TOX: variants seen among roughly 807,000 people sequenced by gnomAD.
TOX encodes the protein thymocyte selection associated high mobility group box.
In TOX, 11 loss-of-function variants were observed where a neutral mutation model predicts 53.7. The observed-to-expected ratio is 0.20, with a 90% confidence interval of 0.13 to 0.34. TOX has a LOEUF of 0.34. Among genes scored for constraint, TOX ranks in the 10% least tolerant of loss-of-function variants. TOX has a pLI of 1.00. For missense variants in TOX, 570 were observed against 664.6 expected, an observed-to-expected ratio of 0.86 and a Z score of 1.56; for synonymous variants, 225 against 245.3, an observed-to-expected ratio of 0.92 and a Z score of 0.77.
chr8:59,117,786 G>C lies in TOX; in HGVS notation c.102+1100C>G, dbSNP rs1000516496. On this transcript the variant is annotated intron_variant, in intron 1 of 8. Transcript: ENST00000361421. This position sits in a 1 kb window ranked among gnomAD's most constrained non-coding sequence, Gnocchi z 4.6. ...GTATCAGGCAGATTTATCACCAAGC[G>C]AGAGTTGGGCGTCTAAAAGGCCCGC... 6.6e-6 allele frequency among the ~76,000 whole-genome samples: 1 copy of C among 152,218 alleles called. No individual in the cohort carries two copies. The highest frequency in any genetic ancestry group is 1.5e-5 in the Non-Finnish European group (1 of 68,046).
intron 1 of TOX, among the ~76,000 whole-genome samples, chr8:58,966,794 A>C (rs1236678134): frequency 5.3e-5 from 8 of 152,070 alleles, no homozygotes; most frequent in Admixed American, 5.2e-4. Flanking sequence ...GGGTAAGGCT[A>C]CAATGCAATG....
intron 3 of TOX, among the ~76,000 whole-genome samples, chr8:58,897,212 C>G (rs746990715): frequency 1.8e-4 from 27 of 152,092 alleles, no homozygotes; most frequent in Non-Finnish European, 3.2e-4. Context: ...AGATGATGAT[C>G]ATCATTTTCT....
chr8:58,966,476 A>C (rs1400840849), intron 1 of TOX, among the ~76,000 whole-genome samples: 1 of 152,048 alleles, frequency 6.6e-6, no homozygotes, highest in Non-Finnish European at 1.5e-5. Flanking sequence ...TCAACTACAG[A>C]TCTGAATGGT....
intron 3 of TOX, among the ~76,000 whole-genome samples, chr8:58,883,245 A>C (rs1811411879): frequency 6.6e-6 from 1 of 152,204 alleles, no homozygotes; most frequent in Non-Finnish European, 1.5e-5. Flanking sequence ...TATCACCAGC[A>C]GGCTGTGAGC....
intron 1 of TOX, among the ~76,000 whole-genome samples, chr8:58,978,611 G>T (rs1056623327): frequency 6.6e-6 from 1 of 152,106 alleles, no homozygotes; most frequent in African/African-American, 2.4e-5. Context: ...GCAGCTTTAG[G>T]TACACAGCAA....
chr8:58,819,739 T>C (rs1810242203), intron 6 of TOX, among the ~76,000 whole-genome samples: 2 of 152,158 alleles, frequency 1.3e-5, no homozygotes, highest in Admixed American at 6.5e-5. Context: ...AAATGAAAGA[T>C]TGACAAAGCT....
chr8:59,062,996 T>C lies in TOX; in HGVS notation c.102+55890A>G, dbSNP rs373662117. On this transcript the variant is annotated intron_variant, in intron 1 of 8. Transcript: ENST00000361421. ...CATAGTGAAGAAAAAAGTTTATACA[T>C]TTATTCCATAATTTTTTTATTGCCT... Among the ~76,000 whole-genome samples the C allele has an allele frequency of 2.0e-5, 3 of 152,214 alleles. No homozygotes were observed. The South Asian group carries it at 6.2e-4, about 32-fold the overall frequency.
intron 5 of TOX, among the ~76,000 whole-genome samples, chr8:58,829,300 C>A (rs1810414745): frequency 6.6e-6 from 1 of 152,162 alleles, no homozygotes; most frequent in Non-Finnish European, 1.5e-5. Flanking sequence ...ATAGATGCCC[C>A]TGGTTTCCCT....
At chr8:58,918,901 T>C (rs2129174525) in intron 3 of TOX, among the ~76,000 whole-genome samples, 1 of 151,966 alleles carries the variant, frequency 6.6e-6, no homozygotes, top group East Asian at 1.9e-4. Flanking sequence ...AGCATTCTTA[T>C]ACACCAACAA....
intron 3 of TOX, among the ~76,000 whole-genome samples, chr8:58,885,105 A>G (rs973324577): frequency 6.6e-6 from 1 of 152,160 alleles, no homozygotes; most frequent in Non-Finnish European, 1.5e-5. Context: ...AGAAGATAGC[A>G]CTTTCTGAAA....
At chr8:58,997,295 G>A (rs1394152576) in intron 1 of TOX, among the ~76,000 whole-genome samples, 2 of 152,068 alleles carry the variant, frequency 1.3e-5, no homozygotes, top group African/African-American at 4.8e-5. Context: ...GAGCAATTTA[G>A]AAATAAGCAA....
chr8:58,882,136 T>C (rs1174716014), intron 3 of TOX, among the ~76,000 whole-genome samples: 1 of 152,202 alleles, frequency 6.6e-6, no homozygotes, highest in Non-Finnish European at 1.5e-5. Flanking sequence ...TGGTGAACCA[T>C]GACTGTTAGG....
At chr8:59,046,162 A>G (rs1294812938) in intron 1 of TOX, among the ~76,000 whole-genome samples, 5 of 152,180 alleles carry the variant, frequency 3.3e-5, no homozygotes, top group African/African-American at 1.2e-4. Context: ...TCAATCATTC[A>G]TTGGACAATA....
intron 3 of TOX, among the ~76,000 whole-genome samples, chr8:58,888,975 A>T (rs532215534): frequency 6.6e-6 from 1 of 152,014 alleles, no homozygotes; most frequent in African/African-American, 2.4e-5. Flanking sequence ...TAATACCTAG[A>T]TCTTTTTCAT....
At chr8:59,011,469 G>A (rs948891124) in intron 1 of TOX, among the ~76,000 whole-genome samples, 4 of 152,152 alleles carry the variant, frequency 2.6e-5, no homozygotes, top group African/African-American at 9.7e-5. Flanking sequence ...TTTTGAGAGA[G>A]GCCTAAGCCT....
intron 3 of TOX, among the ~76,000 whole-genome samples, chr8:58,858,873 T>C (rs939464801): frequency 3.3e-5 from 5 of 152,208 alleles, no homozygotes; most frequent in African/African-American, 1.2e-4. Flanking sequence ...AGCGGTTTCA[T>C]TTTTCTTAGG....
At chr8:59,087,802 G>A (rs920300939) in intron 1 of TOX, among the ~76,000 whole-genome samples, 22 of 152,314 alleles carry the variant, frequency 1.4e-4, no homozygotes, top group Middle Eastern at 3.4e-3. Flanking sequence ...TCCCAGTTAT[G>A]GGGTTTGATT....
chr8:58,964,042 G>A (rs1812847788), intron 1 of TOX, among the ~76,000 whole-genome samples: 1 of 152,024 alleles, frequency 6.6e-6, no homozygotes, highest in African/African-American at 2.4e-5. Flanking sequence ...AGTGGATTAA[G>A]ACTGATATAA....
intron 1 of TOX, among the ~76,000 whole-genome samples, chr8:59,036,044 C>G (rs992647881): frequency 6.6e-6 from 1 of 152,224 alleles, no homozygotes; most frequent in African/African-American, 2.4e-5. Flanking sequence ...CTAACTCCAG[C>G]ATTTGCCTCT....
Sources: allele counts gnomAD v4.1 joint callset (sites outside exome capture counted in the v4.1 genomes callset), GRCh38; gene constraint gnomAD v4.1.1; non-coding constraint Gnocchi (gnomAD v3.1); transcripts MANE v1.5; gene names NCBI Gene and HGNC (gene_info 2026-07-23, HGNC 2026-07-21).